GAB3: variants seen among roughly 807,000 people sequenced by gnomAD.
GAB3 encodes the protein GRB2-associated-binding protein 3.
In GAB3, 12 loss-of-function variants were observed where a neutral mutation model predicts 40.4. The ratio of observed to expected loss-of-function variants is 0.30; its 90% CI spans 0.19 to 0.48. GAB3 has a LOEUF of 0.48. Ranked by LOEUF, GAB3 falls within the 20% of genes least tolerant of loss-of-function variation. The pLI is 0.99. For synonymous variants in GAB3, 154 were observed against 176.7 expected (o/e 0.87, Z 1.02); for missense variants, 381 against 461.9 (o/e 0.82, Z 1.61).
rs782452905 is a variant in GAB3, at chrX:154,683,050, T to C, written c.1531-2802A>G. Among the ~76,000 whole-genome samples, 21 of 112,659 alleles carry C rather than the reference T, an allele frequency of 1.9e-4. No homozygotes were observed. The South Asian group carries it at 2.6e-3, about 14-fold the overall frequency. On this transcript the variant is annotated intron_variant, in intron 8 of 9. Coordinates refer to ENST00000424127, the MANE Select transcript of GAB3 (RefSeq NM_001081573.3). ...ATAGTTCTTATTTCCTCCAATCTGT[T>C]TTGATTTCAATCTTTCATGCTAGAG...
intron 8 of GAB3, among the ~76,000 whole-genome samples, chrX:154,687,196 A>G (rs1557248025): frequency 9.0e-6 from 1 of 110,768 alleles, no homozygotes; most frequent in Non-Finnish European, 1.9e-5. Flanking sequence ...TATCTCAAAA[A>G]AAAGAAAAAA....
intron 8 of GAB3, among the ~76,000 whole-genome samples, chrX:154,690,255 C>G (rs1314531857): frequency 9.0e-6 from 1 of 111,071 alleles, no homozygotes; most frequent in Admixed American, 9.6e-5. Flanking sequence ...ACACCTTATA[C>G]AAAAATTAAT....
chrX:154,685,915 G>A (rs1277963979), intron 8 of GAB3, among the ~76,000 whole-genome samples: 1 of 111,511 alleles, frequency 9.0e-6, no homozygotes, highest in Admixed American at 9.5e-5. Flanking sequence ...GTTAATTCAA[G>A]GTGGTATAAT....
chrX:154,732,152 G>A (rs781960288), intron 1 of GAB3, among the ~76,000 whole-genome samples: 1 of 112,121 alleles, frequency 8.9e-6, no homozygotes, highest in South Asian at 3.7e-4. Context: ...CATTCCACAT[G>A]AAGAAAAGCA....
chrX:154,736,861 G>A lies in GAB3; in HGVS notation c.72+14093C>T, dbSNP rs782037876. Among the ~76,000 whole-genome samples the A allele has an allele frequency of 3.6e-5, 4 of 112,086 alleles. No individual in the cohort carries two copies. In the East Asian group the frequency reaches 1.1e-3, roughly 31 times the overall value. On this transcript the variant is annotated intron_variant, in intron 1 of 9. Transcript: ENST00000424127. ...AACTCATCTAAAACACACACTTCAG[G>A]CCCTAAAGATGTAGTTAGCCCTTTG...
In GAB3 at chrX:154,743,482, T is replaced by C. The variant is rs139699293; in HGVS notation, c.72+7472A>G. Among the ~76,000 whole-genome samples the C allele has an allele frequency of 2.6e-3, 293 of 111,936 alleles. 1 individual carries two copies. The highest frequency in any genetic ancestry group is 3.3e-3 in the Non-Finnish European group (176 of 53,151). ...GTTTAGTTTTTTCTCTTTGTTTTAATTGACTGAAAAGATAACTGGTTGTCT... is the reference window on the plus strand; with the variant it reads ...GTTTAGTTTTTTCTCTTTGTTTTAACTGACTGAAAAGATAACTGGTTGTCT... On this transcript the variant is annotated intron_variant, in intron 1 of 9. Transcript: ENST00000424127.
At chrX:154,707,647 A>T (rs1377924253) in intron 4 of GAB3, among the ~76,000 whole-genome samples, 1 of 112,091 alleles carries the variant, frequency 8.9e-6, no homozygotes, top group Non-Finnish European at 1.9e-5. Flanking sequence ...CAGGAATGAT[A>T]CAAGGATCCG....
At chrX:154,689,197 C>A (rs1345011541) in intron 8 of GAB3, among the ~76,000 whole-genome samples, 1 of 111,571 alleles carries the variant, frequency 9.0e-6, no homozygotes, top group African/African-American at 3.3e-5. Context: ...CAGAAAAGGC[C>A]TTTGACAAAA....
intron 8 of GAB3, among the ~76,000 whole-genome samples, chrX:154,687,402 C>T (rs1350716391): frequency 6.4e-5 from 7 of 109,604 alleles, no homozygotes; most frequent in African/African-American, 2.3e-4. Flanking sequence ...GAGGCTGAGG[C>T]GGGCGGATCA....
chrX:154,699,227 C>G, intron 6 of GAB3, 67 bp downstream of exon 6: 1 of 946,418 alleles, frequency 1.1e-6, no homozygotes, highest in Non-Finnish European at 1.5e-6. Flanking sequence ...TTACAGAAAC[C>G]TTTTCTATGC....
In GAB3 at chrX:154,712,361, G is replaced by T; in HGVS notation, c.937C>A (p.Pro313Thr). 1 of 1,211,689 alleles carries T rather than the reference G, an allele frequency of 8.3e-7. No individual in the cohort carries two copies. The highest frequency in any genetic ancestry group is 1.1e-6 in the Non-Finnish European group (1 of 895,342). ...CGTTCAGACAGATGGCTTGGCTTAG[G>T]GGGGCGGGGAGGTGGAGTGTTGGAC... ...IMSNTPPPRPPKPSHLSERRQ... is the reference protein window; with the variant it reads ...IMSNTPPPRPTKPSHLSERRQ... Residue 313 changes from proline to threonine, a missense_variant, in exon 4 of 10, where the codon CCT becomes ACT. By Grantham distance (38) the Pro-to-Thr change is conservative. Around this residue, in one of 2 missense-constraint regions of GAB3, gnomAD observed 364 missense variants for 421.0 expected, o/e 0.86. Transcript: ENST00000424127.
At chrX:154,720,270 C>T (rs2071107636) in intron 1 of GAB3, among the ~76,000 whole-genome samples, 1 of 111,397 alleles carries the variant, frequency 9.0e-6, no homozygotes, top group African/African-American at 3.3e-5. Flanking sequence ...TGCAAAGTGA[C>T]TAAATCACCT....
chrX:154,700,035 C>G lies in GAB3; in HGVS notation c.1094G>C (p.Arg365Thr). 1 of 1,208,200 alleles carries G rather than the reference C, an allele frequency of 8.3e-7. No homozygotes were observed. Among genetic ancestry groups the G allele is most frequent in the Non-Finnish European group, 1.1e-6 (1 of 893,562 alleles). ...WKADVEGQSL[R>T]HRDKRLSLNL... ...CAAACTAAGCCGCTTGTCTCGGTGT[C>G]TTAAGGATTGGCCTTCTACATCAGC... The change falls in exon 5 of 10, where the codon AGA (arginine) becomes ACA (threonine). Residue 365 changes from arginine to threonine, a missense_variant. Around this residue, in one of 2 missense-constraint regions of GAB3, gnomAD observed 364 missense variants for 421.0 expected, o/e 0.86. Transcript: ENST00000424127.
Position 154,700,011 on chromosome X carries a change from A to C in GAB3, c.1118T>G (p.Leu373Trp). 2 of 1,208,600 alleles carry C rather than the reference A, an allele frequency of 1.7e-6. No individual in the cohort carries two copies. The highest frequency in any genetic ancestry group is 2.2e-6 in the Non-Finnish European group (2 of 893,488). The change falls in exon 5 of 10, where the codon TTG becomes TGG. Residue 373 changes from leucine to tryptophan, a missense_variant. Coordinates refer to ENST00000424127, the MANE Select transcript of GAB3 (RefSeq NM_001081573.3). ...CCTGAATGTTGAACTTACCAAATTC[A>C]AACTAAGCCGCTTGTCTCGGTGTCT... ...SLRHRDKRLS[L>W]NLPCRFSPMY...
intron 4 of GAB3, among the ~76,000 whole-genome samples, chrX:154,709,829 A>G (rs1317922841): frequency 8.9e-6 from 1 of 112,001 alleles, no homozygotes; most frequent in Non-Finnish European, 1.9e-5. Flanking sequence ...ATGTTCAGTG[A>G]AATGAGCTGG....
At chrX:154,696,961 G>C (rs781945287) in intron 7 of GAB3, among the ~76,000 whole-genome samples, 171 bp downstream of exon 7, 1 of 112,658 alleles carries the variant, frequency 8.9e-6, no homozygotes, top group South Asian at 3.7e-4. Flanking sequence ...GGGAGACCCA[G>C]ACATATTCCT....
chrX:154,680,940 G>A (rs782514076), intron 8 of GAB3, among the ~76,000 whole-genome samples: 4 of 112,205 alleles, frequency 3.6e-5, no homozygotes, highest in East Asian at 2.8e-4. Context: ...CACTTGTGTC[G>A]AAGCATTAGC....
chrX:154,742,850 A>G (rs1557261482), intron 1 of GAB3, among the ~76,000 whole-genome samples: 1 of 110,065 alleles, frequency 9.1e-6, no homozygotes, highest in Admixed American at 9.7e-5. Context: ...AGTGACTGCA[A>G]ATAGGCTAAG....
At chrX:154,703,511 G>T (rs111442964) in intron 4 of GAB3, among the ~76,000 whole-genome samples, 3 of 111,366 alleles carry the variant, frequency 2.7e-5, no homozygotes, top group Admixed American at 9.5e-5. Flanking sequence ...GGAGGGCAGA[G>T]AATGGTAAGA....
Sources: allele counts gnomAD v4.1 joint callset (sites outside exome capture counted in the v4.1 genomes callset), GRCh38; gene constraint gnomAD v4.1.1; regional missense constraint gnomAD v4.1.1; transcripts MANE v1.5; gene names NCBI Gene and HGNC (gene_info 2026-07-23, HGNC 2026-07-21).